The following LINGO2 variants were observed in gnomAD, a reference collection of about 807,000 sequenced individuals.
The protein encoded by LINGO2 is leucine rich repeat and Ig domain containing 2, also known as leucine-rich repeat and immunoglobulin-like domain-containing nogo receptor-interacting protein 2.
Under a neutral mutation model 30.6 loss-of-function variants are expected in LINGO2, and 14 were observed. The ratio of observed to expected loss-of-function variants is 0.46; its 90% CI spans 0.30 to 0.72. The LOEUF (loss-of-function observed/expected upper bound fraction) is 0.72. Among genes scored for constraint, LINGO2 ranks in the 30% least tolerant of loss-of-function variants. LINGO2 has a pLI of 0.07. For missense variants in LINGO2, 729 were observed against 751.7 expected, an observed-to-expected ratio of 0.97 and a Z score of 0.35; for synonymous variants, 317 against 288.5, an observed-to-expected ratio of 1.10 and a Z score of -1.00.
chr9:28,729,756 A>T, the LINGO2 span, among the ~76,000 whole-genome samples: 1 of 152,096 alleles, frequency 6.6e-6, no homozygotes, highest in East Asian at 1.9e-4. Flanking sequence ...TTCCTAAAGA[A>T]ATTCCAAAAA....
intron 2 of LINGO2, among the ~76,000 whole-genome samples, chr9:28,455,258 G>T (rs1346164720): frequency 6.6e-6 from 1 of 151,898 alleles, no homozygotes; most frequent in Non-Finnish European, 1.5e-5. Context: ...CAGAACACAA[G>T]CATTGCATGG....
At chr9:28,726,252 A>G in the LINGO2 span, among the ~76,000 whole-genome samples, 2 of 152,126 alleles carry the variant, frequency 1.3e-5, no homozygotes, top group East Asian at 3.8e-4. Context: ...CTTTATGAAC[A>G]TGAGTGGAAA....
the LINGO2 span, among the ~76,000 whole-genome samples, chr9:28,697,396 A>T: frequency 6.6e-6 from 1 of 152,020 alleles, no homozygotes; most frequent in East Asian, 1.9e-4. Context: ...ACTTTACAGA[A>T]TAAAAACCGA....
chr9:28,678,498 A>G, the LINGO2 span, among the ~76,000 whole-genome samples: 10 of 152,172 alleles, frequency 6.6e-5, no homozygotes, highest in Non-Finnish European at 1.5e-4. Context: ...TTCGAGCGCA[A>G]GATTTATATC....
chr9:28,700,740 G>C, the LINGO2 span, among the ~76,000 whole-genome samples: 1 of 152,062 alleles, frequency 6.6e-6, no homozygotes, highest in Non-Finnish European at 1.5e-5. Flanking sequence ...GTTTTCCAAA[G>C]TGGCTGTACC....
intron 4 of LINGO2, among the ~76,000 whole-genome samples, chr9:28,107,694 C>G (rs958953192): frequency 1.3e-5 from 2 of 151,992 alleles, no homozygotes; most frequent in African/African-American, 4.8e-5. Context: ...GAGGACAAAG[C>G]AAAAAGGGCC....
At position 28,132,437 on chromosome 9, in the gene LINGO2, A is replaced by C. The variant is rs1356790575; in HGVS notation, c.-86-120032T>G. On this transcript the variant is annotated intron_variant, in intron 4 of 5. Coordinates refer to ENST00000379992, the Ensembl canonical transcript of LINGO2. Reference sequence around the variant, plus strand: ...ATCTGCCCATCAAAAACATGACTTAAAGAGACTTTCCAAGGCAAGAGGGCA... The same window carrying C: ...ATCTGCCCATCAAAAACATGACTTACAGAGACTTTCCAAGGCAAGAGGGCA... Among the ~76,000 whole-genome samples the C allele has an allele frequency of 2.0e-5, 3 of 152,302 alleles. No individual in the cohort carries two copies. In the East Asian group the frequency reaches 5.8e-4, roughly 29 times the overall value.
chr9:28,828,645 T>C, the LINGO2 span, among the ~76,000 whole-genome samples: 1 of 151,974 alleles, frequency 6.6e-6, no homozygotes, highest in African/African-American at 2.4e-5. Context: ...TCTGGGTTAA[T>C]TAGACAAGAA....
At chr9:28,512,626 TATATATATATAC>T (rs1365352546) in intron 1 of LINGO2, among the ~76,000 whole-genome samples, 944 of 8,748 alleles carry the variant, frequency 0.11, 39 homozygotes, top group East Asian at 0.27. Context: ...TATATATATA[TATATATATATAC>T]ACACATACAT....
At chr9:28,423,211 A>T (rs1031159080) in intron 2 of LINGO2, among the ~76,000 whole-genome samples, 3 of 152,128 alleles carry the variant, frequency 2.0e-5, no homozygotes, top group Non-Finnish European at 4.4e-5. Flanking sequence ...ACAATTTTTT[A>T]AAAAGTTTCC....
the LINGO2 span, among the ~76,000 whole-genome samples, chr9:28,777,010 T>C: frequency 1.3e-5 from 2 of 152,076 alleles, no homozygotes; most frequent in African/African-American, 4.8e-5. Flanking sequence ...TCTGGTTGTT[T>C]AAAAGTGTGT....
In LINGO2 at chr9:28,377,263, C is replaced by T. The variant is rs147557246; in HGVS notation, c.-278-4395G>A. On this transcript the variant is annotated intron_variant, in intron 2 of 5. Coordinates refer to ENST00000379992, the Ensembl canonical transcript of LINGO2. ...AAGACCAACCCCTCCTCTTCCTCTGCCTTCTCAGTCTACTCAATGTGAAGA... is the reference window on the plus strand; with the variant it reads ...AAGACCAACCCCTCCTCTTCCTCTGTCTTCTCAGTCTACTCAATGTGAAGA... 5.9e-5 allele frequency among the ~76,000 whole-genome samples: 9 copies of T among 152,232 alleles called. No homozygotes were observed. In the East Asian group the frequency reaches 7.7e-4, roughly 13 times the overall value.
At chr9:28,263,705 C>A (rs1822646994) in intron 4 of LINGO2, among the ~76,000 whole-genome samples, 1 of 151,956 alleles carries the variant, frequency 6.6e-6, no homozygotes, top group South Asian at 2.1e-4. Flanking sequence ...GTGACCACAG[C>A]TGCTTAAAAA....
chr9:28,290,413 T>C (rs545910825), intron 4 of LINGO2, among the ~76,000 whole-genome samples: 5 of 152,228 alleles, frequency 3.3e-5, no homozygotes, highest in African/African-American at 1.2e-4. Context: ...GCTCCTGCTC[T>C]CTCCAGCAAC....
chr9:28,266,064 T>A (rs1822739747), intron 4 of LINGO2, among the ~76,000 whole-genome samples: 1 of 151,990 alleles, frequency 6.6e-6, no homozygotes, highest in Non-Finnish European at 1.5e-5. Flanking sequence ...AAAATGGATG[T>A]TATCTAAAAA....
chr9:29,132,880 CCT>C, the LINGO2 span, among the ~76,000 whole-genome samples: 739 of 141,462 alleles, frequency 5.2e-3, 10 homozygotes, highest in African/African-American at 0.018. Flanking sequence ...AACATGTAAT[CCT>C]TTTTTTTTTA....
chr9:28,172,127 C>T (rs1456190717), intron 4 of LINGO2, among the ~76,000 whole-genome samples: 2 of 150,696 alleles, frequency 1.3e-5, no homozygotes, highest in Non-Finnish European at 1.5e-5. Context: ...CGCGGTGGCT[C>T]ACGCCTGTAA....
At chr9:28,674,792 G>A (rs922129478), upstream of LINGO2, among the ~76,000 whole-genome samples, 1 of 152,090 alleles carries the variant, frequency 6.6e-6, no homozygotes, top group Non-Finnish European at 1.5e-5. Flanking sequence ...TGGTCAAAAG[G>A]TCTGGCTGTT....
chr9:29,160,551 C>G, the LINGO2 span, among the ~76,000 whole-genome samples: 1 of 152,148 alleles, frequency 6.6e-6, no homozygotes, highest in Non-Finnish European at 1.5e-5. Flanking sequence ...TTATCCTGCT[C>G]AAGTTTCTCT....
Sources: gnomAD v4.1 joint callset for allele counts (sites outside exome capture counted in the v4.1 genomes callset) on GRCh38, gnomAD v4.1.1 for gene constraint, MANE v1.5 for transcripts, NCBI Gene and HGNC (gene_info 2026-07-23, HGNC 2026-07-21) for gene names.